Variants in SCP2 observed in about 807,000 individuals in gnomAD.
The protein encoded by SCP2 is SCP-2/3-oxoacyl-CoA thiolase.
Under a neutral mutation model 71.4 loss-of-function variants are expected in SCP2, and 48 were observed. The ratio of observed to expected loss-of-function variants is 0.67; its 90% CI spans 0.53 to 0.86. The LOEUF (loss-of-function observed/expected upper bound fraction) is 0.86, where lower values mean the gene tolerates loss of function less well. Among genes scored for constraint, SCP2 ranks in the 40% least tolerant of loss-of-function variants. SCP2 has a pLI of 0.00. For synonymous variants in SCP2, 220 were observed against 218.1 expected (o/e 1.01, Z -0.08); for missense variants, 560 against 655.6 (o/e 0.85, Z 1.59).
Position 52,927,423 on chromosome 1 carries a change from G to A in SCP2, c.27G>A (p.Ala9=), listed in dbSNP as rs1398943416. Residue 9 remains alanine, a synonymous_variant, in exon 1 of 16, where the codon GCG becomes GCA. Coordinates refer to ENST00000371514, the MANE Select transcript of SCP2 (RefSeq NM_002979.5). ...TGTCCTCTTCCCCGTGGGAGCCTGC[G>A]ACCCTGCGCCGGGTGTTCGTGGTGG... MSSSPWEP[A]TLRRVFVVGV... is the part of the protein sequence containing the mutation. 6.2e-7 allele frequency: 1 copy of A among 1,601,400 alleles called. No individual in the cohort carries two copies. Among genetic ancestry groups the A allele is most frequent in the Admixed American group, 1.7e-5 (1 of 58,056 alleles).
chr1:53,018,754 G>A (rs1326639319), intron 12 of SCP2, among the ~76,000 whole-genome samples: 23 of 147,766 alleles, frequency 1.6e-4, no homozygotes, highest in Admixed American at 1.2e-3. Flanking sequence ...AAAAAAAAAA[G>A]AAAAAAGAAA....
intron 12 of SCP2, among the ~76,000 whole-genome samples, chr1:53,024,763 G>C (rs1018258835): frequency 5.3e-5 from 8 of 151,678 alleles, no homozygotes; most frequent in African/African-American, 1.7e-4. Context: ...GTAGAGACGG[G>C]GTTTCACTAT....
intron 11 of SCP2, among the ~76,000 whole-genome samples, chr1:53,008,821 G>T (rs989322716): frequency 7.9e-5 from 12 of 152,170 alleles, no homozygotes; most frequent in African/African-American, 2.9e-4. Flanking sequence ...ATTCAATTCG[G>T]AAAAGAGGAA....
intron 5 of SCP2, among the ~76,000 whole-genome samples, chr1:52,960,480 A>ATGTG (rs71044447): frequency 0.024 from 3,394 of 139,522 alleles, 98 homozygotes; most frequent in African/African-American, 0.065. Flanking sequence ...TACTATGTAT[A>ATGTG]TGTGTGTGTG....
chr1:52,978,402 TA>T (rs1305778249), intron 9 of SCP2, 35 bp downstream of exon 9: 1 of 1,534,686 alleles, frequency 6.5e-7, no homozygotes, highest in Non-Finnish European at 9.0e-7. Flanking sequence ...TTTTTATTTT[TA>T]AGATGGAGTC....
At chr1:53,037,954 C>T (rs1572224295) in intron 13 of SCP2, among the ~76,000 whole-genome samples, 2 of 13,180 alleles carry the variant, frequency 1.5e-4, no homozygotes, top group Non-Finnish European at 3.2e-4. Flanking sequence ...TCTCTATACA[C>T]ACACACACAC....
chr1:53,041,391 G>C (rs1663420128), intron 14 of SCP2, among the ~76,000 whole-genome samples: 1 of 145,658 alleles, frequency 6.9e-6, no homozygotes, highest in Non-Finnish European at 1.5e-5. Context: ...GGCAGAGCAA[G>C]ACTCTGTCTT....
intron 5 of SCP2, among the ~76,000 whole-genome samples, chr1:52,960,708 T>C (rs911792931): frequency 7.0e-6 from 1 of 143,404 alleles, no homozygotes; most frequent in African/African-American, 2.7e-5. Context: ...TGTGTGTATA[T>C]ATTATGTGCG....
intron 6 of SCP2, among the ~76,000 whole-genome samples, chr1:52,966,982 G>A (rs1657024919): frequency 6.6e-6 from 1 of 152,106 alleles, no homozygotes; most frequent in Admixed American, 6.6e-5. Context: ...GAGGTCAGGA[G>A]TTCGAGATCA....
At chr1:53,034,475 T>A (rs1662780315) in intron 13 of SCP2, among the ~76,000 whole-genome samples, 1 of 152,166 alleles carries the variant, frequency 6.6e-6, no homozygotes. Context: ...GAATGACTGC[T>A]AATGGGTATG....
At chr1:52,993,110 G>C (rs1659643699) in intron 11 of SCP2, 2 of 1,439,100 alleles carry the variant, frequency 1.4e-6, no homozygotes, top group Non-Finnish European at 2.0e-6. Context: ...TCTAAGGCTA[G>C]AAAGGTACCA....
chr1:52,973,450 G>A (rs965559465), intron 6 of SCP2, among the ~76,000 whole-genome samples: 7 of 151,492 alleles, frequency 4.6e-5, no homozygotes, highest in African/African-American at 7.3e-5. Flanking sequence ...GAGAAATTTC[G>A]TTAATTTTCT....
intron 11 of SCP2, among the ~76,000 whole-genome samples, chr1:53,007,607 C>T (rs1660716028): frequency 6.6e-6 from 1 of 152,164 alleles, no homozygotes; most frequent in East Asian, 1.9e-4. Flanking sequence ...ATACCAGAAT[C>T]TCTGGGAAAC....
chr1:53,039,806 T>C (rs1663292884), intron 14 of SCP2, among the ~76,000 whole-genome samples: 1 of 152,212 alleles, frequency 6.6e-6, no homozygotes, highest in African/African-American at 2.4e-5. Flanking sequence ...CACTGATGAC[T>C]TTGTCTTTAG....
intron 1 of SCP2, among the ~76,000 whole-genome samples, chr1:52,932,713 A>G (rs928220725): frequency 1.3e-5 from 2 of 152,226 alleles, no homozygotes; most frequent in Non-Finnish European, 2.9e-5. Flanking sequence ...AGTTAGGCAC[A>G]TAAAAAGCAA....
intron 6 of SCP2, among the ~76,000 whole-genome samples, chr1:52,962,029 A>G (rs6656430): frequency 0.067 from 10,180 of 152,132 alleles, 586 homozygotes; most frequent in East Asian, 0.21. Context: ...AGCCTCTCGA[A>G]TAGCTGGGAC....
chr1:53,045,054 T>G (rs1335642726), intron 14 of SCP2, among the ~76,000 whole-genome samples: 1 of 152,306 alleles, frequency 6.6e-6, no homozygotes, highest in East Asian at 1.9e-4. Flanking sequence ...ATCACCTGTT[T>G]TTTTGTTTTG....
chr1:53,032,472 G>C (rs1409121269), intron 13 of SCP2, among the ~76,000 whole-genome samples: 1 of 152,180 alleles, frequency 6.6e-6, no homozygotes, highest in African/African-American at 2.4e-5. Context: ...ATGAGGTCAG[G>C]GGTGGGAGTA....
intron 12 of SCP2, among the ~76,000 whole-genome samples, chr1:53,026,098 CT>C (rs534071958): frequency 1.3e-5 from 2 of 151,720 alleles, no homozygotes; most frequent in South Asian, 2.1e-4. Context: ...AAGTAGGTTC[CT>C]TTTTTTTAAA....
Sources: gnomAD v4.1 joint callset for allele counts (sites outside exome capture counted in the v4.1 genomes callset) on GRCh38, gnomAD v4.1.1 for gene constraint, MANE v1.5 for transcripts, NCBI Gene and HGNC (gene_info 2026-07-23, HGNC 2026-07-21) for gene names.